KRABD4: variants seen among roughly 807,000 people sequenced by gnomAD.
The protein encoded by KRABD4 is KRAB domain-containing protein 4.
At chrX:46,461,268 C>T in the KRABD4 span, among the ~76,000 whole-genome samples, 13 of 110,703 alleles carry the variant, frequency 1.2e-4, no homozygotes, top group Admixed American at 2.9e-4. Context: ...CTGGGATCCT[C>T]GAAGCCATGC....
chrX:46,463,449 A>T, the KRABD4 span: 1 of 569,832 alleles, frequency 1.8e-6, no homozygotes, highest in Admixed American at 2.6e-5. Flanking sequence ...TGTCCAAATG[A>T]GGCCTCTGCC....
At chrX:46,474,032 A>C in the KRABD4 span, 1 of 112,753 alleles carries the variant, frequency 8.9e-6, no homozygotes, top group Non-Finnish European at 1.9e-5. Context: ...CTCAGTTGTC[A>C]GATTGACTGT....
chrX:46,465,756 C>T, the KRABD4 span, among the ~76,000 whole-genome samples: 4 of 111,033 alleles, frequency 3.6e-5, no homozygotes, highest in African/African-American at 1.3e-4. Flanking sequence ...GAGTGACACT[C>T]CAGAGGGTTC....
At chrX:46,474,518 TTGAG>T in the KRABD4 span, 15 of 112,062 alleles carry the variant, frequency 1.3e-4, no homozygotes, top group Non-Finnish European at 2.6e-4. Flanking sequence ...AAAGAATTCA[TTGAG>T]TGTAATCATG....
At chrX:46,455,871 A>G in the KRABD4 span, 6 of 332,246 alleles carry the variant, frequency 1.8e-5, no homozygotes, top group East Asian at 4.2e-4. Context: ...CAGATAACAT[A>G]TGATGAGGCA....
At chrX:46,473,324 G>C in the KRABD4 span, 21 of 1,162,181 alleles carry the variant, frequency 1.8e-5, no homozygotes, top group Non-Finnish European at 2.4e-5. Context: ...ACTCACACAG[G>C]GGAGAAGCCC....
chrX:46,457,623 GTTTT>G, the KRABD4 span, among the ~76,000 whole-genome samples: 1 of 75,302 alleles, frequency 1.3e-5, no homozygotes, highest in East Asian at 4.7e-4. Context: ...GCCTTTCAGA[GTTTT>G]TTTTTTTTTT....
At chrX:46,450,094 A>G in the KRABD4 span, among the ~76,000 whole-genome samples, 4 of 112,223 alleles carry the variant, frequency 3.6e-5, no homozygotes, top group East Asian at 5.6e-4. Flanking sequence ...AGAAATGACT[A>G]CAGTTAACAT....
the KRABD4 span, among the ~76,000 whole-genome samples, chrX:46,450,047 G>C: frequency 8.9e-6 from 1 of 111,796 alleles, no homozygotes; most frequent in African/African-American, 3.3e-5. Context: ...ATGAGCCACT[G>C]CACCCGGCCG....
the KRABD4 span, among the ~76,000 whole-genome samples, chrX:46,459,060 C>G: frequency 8.9e-6 from 1 of 111,907 alleles, no homozygotes; most frequent in Non-Finnish European, 1.9e-5. Flanking sequence ...CACCTGTAAT[C>G]CCAGCACTTT....
chrX:46,468,735 A>C, the KRABD4 span, among the ~76,000 whole-genome samples: 1 of 112,082 alleles, frequency 8.9e-6, no homozygotes, highest in Non-Finnish European at 1.9e-5. Flanking sequence ...AGTAAGAAAG[A>C]TAAGTTACTA....
At chrX:46,463,539 A>G in the KRABD4 span, 1 of 447,307 alleles carries the variant, frequency 2.2e-6, no homozygotes, top group South Asian at 3.2e-5. Flanking sequence ...TCCCATTTCT[A>G]CCTTCCAGCC....
At chrX:46,460,417 C>CAA in the KRABD4 span, among the ~76,000 whole-genome samples, 20 of 74,974 alleles carry the variant, frequency 2.7e-4, no homozygotes, top group South Asian at 1.4e-3. Flanking sequence ...AACTCAGTCT[C>CAA]AAAAAAAAAA....
chrX:46,455,096 G>C, the KRABD4 span: 10 of 493,705 alleles, frequency 2.0e-5, no homozygotes, highest in Admixed American at 4.1e-5. Context: ...TTCATTGATG[G>C]TTCTGAATTA....
At chrX:46,456,260 T>C in the KRABD4 span, 1 of 108,824 alleles carries the variant, frequency 9.2e-6, no homozygotes, top group East Asian at 2.8e-4. Flanking sequence ...AATAATCATT[T>C]ATCATTTAAT....
At chrX:46,449,544 A>T in the KRABD4 span, among the ~76,000 whole-genome samples, 6 of 112,701 alleles carry the variant, frequency 5.3e-5, no homozygotes, top group Non-Finnish European at 1.1e-4. Context: ...AACCAATATC[A>T]GCATTTTAAT....
At chrX:46,470,017 A>G in the KRABD4 span, among the ~76,000 whole-genome samples, 2 of 110,077 alleles carry the variant, frequency 1.8e-5, no homozygotes, top group Non-Finnish European at 3.8e-5. Flanking sequence ...TGCATGTACC[A>G]TTTTTTTATT....
chrX:46,471,704 G>A, the KRABD4 span, among the ~76,000 whole-genome samples: 4 of 112,014 alleles, frequency 3.6e-5, no homozygotes, highest in Non-Finnish European at 7.5e-5. Flanking sequence ...TTTCTAGAAT[G>A]TCATATAGTT....
At chrX:46,462,852 C>T in the KRABD4 span, 5 of 1,210,073 alleles carry the variant, frequency 4.1e-6, no homozygotes, top group African/African-American at 5.2e-5. Context: ...TGCTTGAGAA[C>T]TACAGCCACC....
Sources: allele counts gnomAD v4.1 joint callset (sites outside exome capture counted in the v4.1 genomes callset), GRCh38; gene constraint gnomAD v4.1.1; transcripts MANE v1.5; gene names NCBI Gene and HGNC (gene_info 2026-07-23, HGNC 2026-07-21).